The following ST3GAL5 variants were observed in gnomAD, a reference collection of about 807,000 sequenced individuals.
The protein encoded by ST3GAL5 is ST3 beta-galactoside alpha-2,3-sialyltransferase 5.
Under a neutral mutation model 46.1 loss-of-function variants are expected in ST3GAL5, and 25 were observed. The ratio of observed to expected loss-of-function variants is 0.54; its 90% CI spans 0.40 to 0.76. The LOEUF (loss-of-function observed/expected upper bound fraction) is 0.76, where lower values mean the gene tolerates loss of function less well. Among genes scored for constraint, ST3GAL5 ranks in the 30% least tolerant of loss-of-function variants. ST3GAL5 has a pLI of 0.00. For synonymous variants in ST3GAL5, 182 were observed against 192.7 expected (o/e 0.94, Z 0.46); for missense variants, 431 against 521.2 (o/e 0.83, Z 1.69).
chr2:85,854,822 T>G (rs916854131), intron 3 of ST3GAL5: 3 of 152,170 alleles, frequency 2.0e-5, no homozygotes, highest in Non-Finnish European at 1.5e-5. Flanking sequence ...AATCCTACAA[T>G]GATAAACATC....
chr2:85,852,181 C>G (rs1452473391), intron 3 of ST3GAL5, among the ~76,000 whole-genome samples: 1 of 152,150 alleles, frequency 6.6e-6, no homozygotes, highest in African/African-American at 2.4e-5. Context: ...TTTTAAAAAT[C>G]CGGAACAGGG....
chr2:85,850,924 T>TG (rs1683431900), intron 3 of ST3GAL5: 3 of 151,056 alleles, frequency 2.0e-5, no homozygotes, highest in Admixed American at 1.3e-4. Context: ...TTTTTTTCTT[T>TG]TTTTTTTTTT....
chr2:85,876,163 C>A (rs1022013148), intron 1 of ST3GAL5, among the ~76,000 whole-genome samples: 1 of 143,150 alleles, frequency 7.0e-6, no homozygotes, highest in Non-Finnish European at 1.5e-5. Context: ...TCCACCAAAG[C>A]ACCCTGGTGA....
At chr2:85,877,872 T>C (rs548877795) in intron 1 of ST3GAL5, among the ~76,000 whole-genome samples, 1 of 152,260 alleles carries the variant, frequency 6.6e-6, no homozygotes, top group East Asian at 1.9e-4. Flanking sequence ...CACTCTTAGC[T>C]ATTAAGAAAA....
intron 6 of ST3GAL5, among the ~76,000 whole-genome samples, chr2:85,841,877 G>A (rs1477964624): frequency 6.6e-6 from 1 of 152,194 alleles, no homozygotes; most frequent in Non-Finnish European, 1.5e-5. Flanking sequence ...GAGGAATACA[G>A]AAGGCCCTGC....
At chr2:85,847,141 T>C (rs938091605) in intron 4 of ST3GAL5, among the ~76,000 whole-genome samples, 8 of 152,198 alleles carry the variant, frequency 5.3e-5, no homozygotes, top group African/African-American at 1.4e-4. Flanking sequence ...CTAGGATGAC[T>C]GCCTATTGGC....
chr2:85,842,570 CA>C (rs1187425419), intron 6 of ST3GAL5, among the ~76,000 whole-genome samples: 2 of 151,934 alleles, frequency 1.3e-5, no homozygotes, highest in African/African-American at 2.4e-5. Context: ...TGTTTTTATC[CA>C]AAAGAAAAAT....
Position 85,840,403 on chromosome 2 carries a change from GA to G in ST3GAL5, c.1009-12del. 1 of 1,613,946 alleles carries G rather than the reference GA, an allele frequency of 6.2e-7. No homozygotes were observed. The highest frequency in any genetic ancestry group is 8.5e-7 in the Non-Finnish European group (1 of 1,179,960). On this transcript the variant is annotated splice_polypyrimidine_tract_variant and intron_variant, in intron 6 of 6. Coordinates refer to ENST00000638572, the MANE Select transcript of ST3GAL5 (RefSeq NM_003896.4). ...GATTGTGGGGACGTTCTGAGAAAGG[GA>G]AAAGAAGACCAAAAAGTAAAAAAAA...
intron 3 of ST3GAL5, chr2:85,851,554 T>C (rs922875791): frequency 2.2e-5 from 28 of 1,280,530 alleles, no homozygotes; most frequent in African/African-American, 6.1e-5. Context: ...CCAGACATCA[T>C]TGTCTTGGGG....
chr2:85,875,358 C>T (rs1403139380), intron 1 of ST3GAL5: 5 of 123,154 alleles, frequency 4.1e-5, no homozygotes, highest in Non-Finnish European at 5.1e-5. Context: ...ACCACACTTG[C>T]CTGATTTTTT....
rs1201064724 is a variant in ST3GAL5 at position 85,847,757 on chromosome 2, T to C, written c.662+104A>G. 6.2e-6 allele frequency: 9 copies of C among 1,456,712 alleles called. No homozygotes were observed. The East Asian group carries it at 1.7e-4, about 28-fold the overall frequency. The allele number at this position is 1,456,712 out of a possible 1,614,324, so 90.2% of individuals were successfully genotyped here. On this transcript the variant is annotated intron_variant, in intron 4 of 6. Coordinates refer to ENST00000638572, the MANE Select transcript of ST3GAL5 (RefSeq NM_003896.4). ...CTGCAGTGAGCTGAGATCACACCAC[T>C]GCACTCCAGCCTGGACAACAGGAGT... is the stretch of plus-strand genomic sequence containing the variant.
chr2:85,856,675 T>G (rs1486869432), intron 3 of ST3GAL5, among the ~76,000 whole-genome samples: 1 of 151,960 alleles, frequency 6.6e-6, no homozygotes, highest in Non-Finnish European at 1.5e-5. Context: ...GCGCAAGTGA[T>G]CCTTCTGCCT....
At chr2:85,840,438 A>C (rs934729051) in intron 6 of ST3GAL5, 46 bp from the exon 7 acceptor site, 1 of 1,606,130 alleles carries the variant, frequency 6.2e-7, no homozygotes, top group African/African-American at 1.3e-5. Context: ...AAATTTTGGC[A>C]CAAGTCACCA....
At chr2:85,856,697 G>A (rs1367530947) in intron 3 of ST3GAL5, among the ~76,000 whole-genome samples, 1 of 151,786 alleles carries the variant, frequency 6.6e-6, no homozygotes, top group African/African-American at 2.4e-5. Context: ...AGTCTCTGGA[G>A]TAGCTAAGAC....
chr2:85,842,104 T>C (rs1231754653), intron 6 of ST3GAL5, among the ~76,000 whole-genome samples: 1 of 152,238 alleles, frequency 6.6e-6, no homozygotes, highest in Non-Finnish European at 1.5e-5. Flanking sequence ...GAACATCTAC[T>C]GAAGCCATCA....
At chr2:85,873,576 A>T (rs1266187753) in intron 1 of ST3GAL5, among the ~76,000 whole-genome samples, 1 of 152,016 alleles carries the variant, frequency 6.6e-6, no homozygotes, top group Non-Finnish European at 1.5e-5. Flanking sequence ...GTCAAGGGAG[A>T]GGATGACTCA....
chr2:85,854,974 G>A (rs73945524), intron 3 of ST3GAL5: 11,877 of 152,364 alleles, frequency 0.078, 588 homozygotes, highest in African/African-American at 0.13. Flanking sequence ...GCTCTAGGCA[G>A]CAAAGAAAGA....
intron 1 of ST3GAL5, among the ~76,000 whole-genome samples, chr2:85,886,889 G>T (rs1687820721): frequency 6.6e-6 from 1 of 152,198 alleles, no homozygotes; most frequent in Admixed American, 6.5e-5. Context: ...ACTTCTGCCA[G>T]AGCTTCCCAG....
chr2:85,861,115 G>A lies in ST3GAL5; in HGVS notation c.318+66C>T. 1.1e-5 allele frequency: 12 copies of A among 1,068,730 alleles called. No homozygotes were observed. In the South Asian group the frequency reaches 1.5e-4, roughly 13 times the overall value. 66.2% of individuals were successfully genotyped at this position (1,068,730 alleles called of 1,614,324 possible). On this transcript the variant is annotated intron_variant, in intron 3 of 6. Transcript: ENST00000638572. ...TATATTTGTCACACAGTAGACTAAT[G>A]ATATTATAGTTTGAGCATATGCTTG...
Sources: allele counts gnomAD v4.1 joint callset (sites outside exome capture counted in the v4.1 genomes callset), GRCh38; gene constraint gnomAD v4.1.1; transcripts MANE v1.5; gene names NCBI Gene and HGNC (gene_info 2026-07-23, HGNC 2026-07-21).